The following B3GALT1 variants were observed in gnomAD, a reference collection of about 807,000 sequenced individuals.
B3GALT1 encodes UDP-Gal:betaGlcNAc beta 1,3-galactosyltransferase, polypeptide 1.
Under a neutral mutation model 23.2 loss-of-function variants are expected in B3GALT1, and 10 were observed. The ratio of observed to expected loss-of-function variants is 0.43; its 90% confidence interval spans 0.27 to 0.73. The LOEUF (loss-of-function observed/expected upper bound fraction) is 0.73. Ranked by LOEUF, B3GALT1 falls within the 30% of genes least tolerant of loss-of-function variation. B3GALT1 has a pLI of 0.21. For missense variants in B3GALT1, 299 were observed against 405.4 expected (o/e 0.74, Z 2.25); for synonymous variants, 156 against 141.5 (o/e 1.10, Z -0.73).
chr2:167,300,943 A>G (rs1258358784), intron 1 of B3GALT1, among the ~76,000 whole-genome samples: 3 of 152,234 alleles, frequency 2.0e-5, no homozygotes, highest in Non-Finnish European at 4.4e-5. Flanking sequence ...GTCTTCTTCT[A>G]TTAGAAGACT....
intron 3 of B3GALT1, among the ~76,000 whole-genome samples, chr2:167,794,991 CCTTT>C (rs1190704382): frequency 6.6e-6 from 1 of 152,086 alleles, no homozygotes; most frequent in Admixed American, 6.6e-5. Context: ...AGCCTCAAGT[CCTTT>C]CTTTCTGATT....
chr2:167,623,580 C>T (rs1463282797), intron 2 of B3GALT1, among the ~76,000 whole-genome samples: 4 of 151,970 alleles, frequency 2.6e-5, no homozygotes, highest in South Asian at 2.1e-4. Flanking sequence ...GGGAGGGGAA[C>T]ATCACACACC....
intron 1 of B3GALT1, among the ~76,000 whole-genome samples, chr2:167,418,395 T>G (rs1200524347): frequency 6.6e-6 from 1 of 151,604 alleles, no homozygotes; most frequent in African/African-American, 2.4e-5. Context: ...GCTTAAGGCA[T>G]GTGTGGGGAA....
chr2:167,780,368 T>C (rs1279973793), intron 3 of B3GALT1, among the ~76,000 whole-genome samples: 1 of 152,162 alleles, frequency 6.6e-6, no homozygotes, highest in Non-Finnish European at 1.5e-5. Flanking sequence ...ACTTTAGTAA[T>C]CATAAGAAAA....
intron 3 of B3GALT1, among the ~76,000 whole-genome samples, chr2:167,707,954 A>T (rs1237461169): frequency 6.6e-6 from 1 of 152,222 alleles, no homozygotes; most frequent in African/African-American, 2.4e-5. Context: ...TTCAAACATC[A>T]TGCATAGTGT....
intron 1 of B3GALT1, among the ~76,000 whole-genome samples, chr2:167,378,912 C>T (rs1198825387): frequency 6.6e-6 from 1 of 152,166 alleles, no homozygotes; most frequent in Non-Finnish European, 1.5e-5. Context: ...TGCCAAAATA[C>T]TTGCACTGGT....
Position 167,529,400 on chromosome 2 carries a change from C to G in B3GALT1, c.-410+39123C>G, listed in dbSNP as rs79363830. ...GAATTTATACTTGCAGCCCAAACCT[C>G]TACACTAGTGCCACATTCTTGACAT... On this transcript the variant is annotated intron_variant, in intron 2 of 4. Coordinates refer to ENST00000392690, the MANE Select transcript of B3GALT1 (RefSeq NM_020981.4). Among the ~76,000 whole-genome samples, 3 of 151,962 alleles carry G rather than the reference C, an allele frequency of 2.0e-5. No homozygotes were observed. In the East Asian group the frequency reaches 6.0e-4, roughly 30 times the overall value.
At chr2:167,383,410 G>T (rs1328413546) in intron 1 of B3GALT1, among the ~76,000 whole-genome samples, 3 of 152,140 alleles carry the variant, frequency 2.0e-5, no homozygotes, top group African/African-American at 7.2e-5. Context: ...GGCCTTGACT[G>T]TTCCCACTGT....
In B3GALT1 at chr2:167,415,189, C is replaced by T. The variant is rs192667297; in HGVS notation, c.-510-74988C>T. Among the ~76,000 whole-genome samples, 5 of 152,092 alleles carry T rather than the reference C, an allele frequency of 3.3e-5. No homozygotes were observed. In the South Asian group the frequency reaches 1.0e-3, roughly 32 times the overall value. ...TGGGGCCTTGAAGAAGTCATTGGGT[C>T]CTGAAAGTGCTGCCTTCATGAATGG... On this transcript the variant is annotated intron_variant, in intron 1 of 4. Transcript: ENST00000392690.
intron 1 of B3GALT1, among the ~76,000 whole-genome samples, chr2:167,394,989 C>G (rs1232625691): frequency 6.6e-6 from 1 of 152,052 alleles, no homozygotes; most frequent in African/African-American, 2.4e-5. Flanking sequence ...AATTTTGCCC[C>G]TGGATGTCGC....
At chr2:167,618,765 G>A (rs1685206298) in intron 2 of B3GALT1, among the ~76,000 whole-genome samples, 1 of 151,900 alleles carries the variant, frequency 6.6e-6, no homozygotes, top group Non-Finnish European at 1.5e-5. Flanking sequence ...GTCTCTCAGA[G>A]TTAGTCTGTT....
At chr2:167,497,439 T>G (rs2105346199) in intron 2 of B3GALT1, among the ~76,000 whole-genome samples, 1 of 152,274 alleles carries the variant, frequency 6.6e-6, no homozygotes, top group South Asian at 2.1e-4. Flanking sequence ...CATTTTAAAT[T>G]TTAAATCAAT....
At chr2:167,345,098 A>AGT (rs1697208104) in intron 1 of B3GALT1, among the ~76,000 whole-genome samples, 1 of 152,202 alleles carries the variant, frequency 6.6e-6, no homozygotes, top group Non-Finnish European at 1.5e-5. Context: ...CAGAGTGCTA[A>AGT]GTAAATGATG....
At chr2:167,508,178 G>A (rs73024049) in intron 2 of B3GALT1, among the ~76,000 whole-genome samples, 7,122 of 152,016 alleles carry the variant, frequency 0.047, 556 homozygotes, top group African/African-American at 0.16. Flanking sequence ...AACTTTAGGC[G>A]GACATAATAC....
At chr2:167,758,089 G>A (rs1687844801) in intron 3 of B3GALT1, among the ~76,000 whole-genome samples, 2 of 152,244 alleles carry the variant, frequency 1.3e-5, no homozygotes, top group Middle Eastern at 3.4e-3. Flanking sequence ...CATTATAATA[G>A]GTTTTTGGTT....
chr2:167,647,100 G>C (rs1349709536), intron 3 of B3GALT1, among the ~76,000 whole-genome samples, 134 bp downstream of exon 3: 1 of 152,116 alleles, frequency 6.6e-6, no homozygotes, highest in African/African-American at 2.4e-5. Flanking sequence ...AGAAAAGCCA[G>C]CTTAAAAATT....
intron 1 of B3GALT1, among the ~76,000 whole-genome samples, chr2:167,318,817 C>A (rs1236895279): frequency 3.9e-5 from 6 of 152,044 alleles, no homozygotes; most frequent in Non-Finnish European, 8.8e-5. Context: ...TCCTGCTATA[C>A]AGAAGCCCAG....
intron 3 of B3GALT1, among the ~76,000 whole-genome samples, chr2:167,768,784 T>C (rs1316315798): frequency 6.6e-6 from 1 of 152,218 alleles, no homozygotes; most frequent in Non-Finnish European, 1.5e-5. Context: ...TAAGGTTGCC[T>C]AAAGTGTATG....
At chr2:167,866,497 T>C (rs914991511) in intron 4 of B3GALT1, among the ~76,000 whole-genome samples, 11 of 152,218 alleles carry the variant, frequency 7.2e-5, no homozygotes, top group Admixed American at 2.6e-4. Flanking sequence ...GGTTGATTGA[T>C]GGATGCATGG....
Sources: allele counts gnomAD v4.1 joint callset (sites outside exome capture counted in the v4.1 genomes callset), GRCh38; gene constraint gnomAD v4.1.1; transcripts MANE v1.5; gene names NCBI Gene and HGNC (gene_info 2026-07-23, HGNC 2026-07-21).